PEPD: variants seen among roughly 807,000 people sequenced by gnomAD.
PEPD encodes the protein xaa-Pro dipeptidase.
In PEPD, 53 loss-of-function variants were observed where a neutral mutation model predicts 60.7. The ratio of observed to expected loss-of-function variants is 0.87; its 90% CI spans 0.70 to 1.10. PEPD has a LOEUF of 1.10. Among genes scored for constraint, PEPD ranks in the 50% least tolerant of loss-of-function variants. The probability of loss-of-function intolerance (pLI) is 0.00; values close to 1 mark genes in which losing one functional copy is unlikely to be tolerated. For missense variants in PEPD, 711 were observed against 711.9 expected (o/e 1.00, Z 0.01); for synonymous variants, 267 against 284.1 (o/e 0.94, Z 0.60).
chr19:33,475,513 C>G (rs984066489), intron 7 of PEPD, among the ~76,000 whole-genome samples: 1 of 152,074 alleles, frequency 6.6e-6, no homozygotes, highest in African/African-American at 2.4e-5. Flanking sequence ...CATCAACTTT[C>G]TGCTGCTTGC....
chr19:33,417,217 G>C (rs1448866922), intron 9 of PEPD, among the ~76,000 whole-genome samples: 1 of 152,240 alleles, frequency 6.6e-6, no homozygotes, highest in Non-Finnish European at 1.5e-5. Flanking sequence ...GGTGGCCCTG[G>C]CCACATCATT....
intron 4 of PEPD, among the ~76,000 whole-genome samples, chr19:33,496,324 G>A (rs1036973401): frequency 3.9e-5 from 6 of 152,154 alleles, no homozygotes; most frequent in Admixed American, 6.5e-5. Flanking sequence ...GAGAGCAGCC[G>A]TCTCCTTGCA....
At chr19:33,421,779 G>T (rs4534971) in intron 9 of PEPD, among the ~76,000 whole-genome samples, 45,244 of 151,994 alleles carry the variant, frequency 0.3, 6,850 homozygotes, top group Admixed American at 0.33. Flanking sequence ...ACAGGTGTGA[G>T]CCACTGTGCC....
At chr19:33,392,912 C>T (rs1015231470) in intron 12 of PEPD, among the ~76,000 whole-genome samples, 12 of 136,812 alleles carry the variant, frequency 8.8e-5, no homozygotes, top group African/African-American at 3.6e-4. Flanking sequence ...GTTGGGACCC[C>T]TTTAAGTGCC....
At chr19:33,510,102 G>A (rs1031040625) in intron 3 of PEPD, among the ~76,000 whole-genome samples, 8 of 152,176 alleles carry the variant, frequency 5.3e-5, no homozygotes, top group Admixed American at 1.3e-4. Flanking sequence ...TGACGGCCTC[G>A]CAGGGCCAAA....
intron 7 of PEPD, among the ~76,000 whole-genome samples, chr19:33,470,404 C>A (rs1970101332): frequency 6.6e-6 from 1 of 152,056 alleles, no homozygotes; most frequent in Admixed American, 6.6e-5. Context: ...ACCCCATGTG[C>A]TCTCCCAGCC....
chr19:33,445,034 C>T (rs755964621), intron 9 of PEPD, among the ~76,000 whole-genome samples: 5 of 152,214 alleles, frequency 3.3e-5, no homozygotes, highest in Admixed American at 6.5e-5. Flanking sequence ...CCAGGACCAA[C>T]GCCAAGGTTC....
In PEPD at chr19:33,479,729, T is replaced by C. The variant is rs371979172; in HGVS notation, c.504-1639A>G. Among the ~76,000 whole-genome samples the C allele has an allele frequency of 1.1e-4, 16 of 152,352 alleles. No individual in the cohort carries two copies. In the East Asian group the frequency reaches 3.1e-3, roughly 29 times the overall value. ...GGATAACAGCCTCCAGCTCCATCCATGTTCTTGCAAAGGACATGATCTCAT... is the reference window on the plus strand; with the variant it reads ...GGATAACAGCCTCCAGCTCCATCCACGTTCTTGCAAAGGACATGATCTCAT... On this transcript the variant is annotated intron_variant, in intron 6 of 14. Transcript: ENST00000244137.
In PEPD at chr19:33,478,060, T is replaced by G; in HGVS notation, c.534A>C (p.Pro178=). 1 of 1,610,342 alleles carries G rather than the reference T, an allele frequency of 6.2e-7. No individual in the cohort carries two copies. Among genetic ancestry groups the G allele is most frequent in the Non-Finnish European group, 8.5e-7 (1 of 1,177,254 alleles). ...KFEVNNTILH[P]EIVECRVFKT... ...GCCGTACTCACCACTCAACGATCTC[T>G]GGGTGAAGAATGGTATTGTTGACTT... Residue 178 remains proline, a synonymous_variant, in exon 7 of 15, where the codon CCA becomes CCC. Transcript: ENST00000244137.
intron 2 of PEPD, among the ~76,000 whole-genome samples, chr19:33,512,389 T>A (rs1259717035): frequency 6.6e-6 from 1 of 152,102 alleles, no homozygotes; most frequent in East Asian, 1.9e-4. Context: ...GCCAGGCTGG[T>A]TTCCTGCAGC....
chr19:33,496,315 AGAGCAGCCG>A (rs1970602295), intron 4 of PEPD, among the ~76,000 whole-genome samples: 2 of 152,052 alleles, frequency 1.3e-5, no homozygotes, highest in Admixed American at 6.6e-5. Flanking sequence ...GGAGGAGGGG[AGAGCAGCCG>A]TCTCCTTGCA....
intron 6 of PEPD, among the ~76,000 whole-genome samples, chr19:33,482,031 A>AAAC (rs138807337): frequency 0.11 from 16,655 of 151,792 alleles, 1,074 homozygotes; most frequent in Admixed American, 0.18. Flanking sequence ...ACAAACAAAT[A>AAAC]AACAACAACA....
At chr19:33,397,398 C>T (rs568950395) in intron 12 of PEPD, among the ~76,000 whole-genome samples, 15 of 152,140 alleles carry the variant, frequency 9.9e-5, no homozygotes, top group South Asian at 6.2e-4. Flanking sequence ...ATTGAACCCA[C>T]GAACCCAGGG....
At chr19:33,504,512 C>A (rs933862354) in intron 3 of PEPD, among the ~76,000 whole-genome samples, 3 of 152,202 alleles carry the variant, frequency 2.0e-5, no homozygotes, top group African/African-American at 4.8e-5. Flanking sequence ...GCCTGTAATC[C>A]CAGCACTTTG....
At chr19:33,520,947 C>G (rs1971119689) in intron 1 of PEPD, among the ~76,000 whole-genome samples, 2 of 152,216 alleles carry the variant, frequency 1.3e-5, no homozygotes, top group Non-Finnish European at 2.9e-5. Context: ...ACCACACCTT[C>G]CAACCAGCCC....
rs534488904 is a variant in PEPD, at chr19:33,465,289, C to G, written c.549-1227G>C. ...CTTGATTCTCATCAAAACATTACTC[C>G]CCAGTATTCATGACAGGCCCACAAA... is the stretch of plus-strand genomic sequence containing the variant. On this transcript the variant is annotated intron_variant, in intron 7 of 14. Transcript: ENST00000244137. Among the ~76,000 whole-genome samples the G allele has an allele frequency of 3.7e-4, 57 of 152,208 alleles. No homozygotes were observed. In the South Asian group the frequency reaches 4.2e-3, roughly 11 times the overall value.
chr19:33,473,786 C>T (rs1420755565), intron 7 of PEPD, among the ~76,000 whole-genome samples: 1 of 152,216 alleles, frequency 6.6e-6, no homozygotes, highest in Admixed American at 6.5e-5. Flanking sequence ...TTGACCTTCA[C>T]ATTCAAACTG....
intron 9 of PEPD, among the ~76,000 whole-genome samples, chr19:33,435,917 G>C (rs1969367016): frequency 6.6e-6 from 1 of 152,170 alleles, no homozygotes. Flanking sequence ...GGAAGGTGGG[G>C]GCATGGGAGA....
rs149042427 is a variant in PEPD, at chr19:33,387,940, C to A, written c.1294G>T (p.Ala432Ser). Reference sequence around the variant, plus strand: ...AGGACCTCGCGGTTAAGGAAGGAGGCGCGGGCCGGGTCCGCCAGGGCCTCA... The same window carrying A: ...AGGACCTCGCGGTTAAGGAAGGAGGAGCGGGCCGGGTCCGCCAGGGCCTCA... ...LDEALADPAR[A>S]SFLNREVLQR... is the part of the protein sequence containing the mutation. The change falls in exon 14 of 15, where the codon GCC becomes TCC. Residue 432 changes from alanine to serine, a missense_variant. Ala to Ser is a moderately conservative substitution (Grantham distance 99). Coordinates refer to ENST00000244137, the MANE Select transcript of PEPD (RefSeq NM_000285.4). 1.3e-6 allele frequency: 2 copies of A among 1,597,018 alleles called. No individual in the cohort carries two copies. The highest frequency in any genetic ancestry group is 1.7e-6 in the Non-Finnish European group (2 of 1,172,586).
Sources: gnomAD v4.1 joint callset for allele counts (sites outside exome capture counted in the v4.1 genomes callset) on GRCh38, gnomAD v4.1.1 for gene constraint, MANE v1.5 for transcripts, NCBI Gene and HGNC (gene_info 2026-07-23, HGNC 2026-07-21) for gene names.